Variants in ROBO1 observed in about 807,000 individuals in gnomAD.
The protein encoded by ROBO1 is roundabout homolog 1.
Under a neutral mutation model 195.9 loss-of-function variants are expected in ROBO1, and 149 were observed. The observed-to-expected ratio is 0.76, with a 90% CI of 0.67 to 0.87. The LOEUF (loss-of-function observed/expected upper bound fraction) is 0.87, where lower values mean the gene tolerates loss of function less well. Among genes scored for constraint, ROBO1 ranks in the 40% least tolerant of loss-of-function variants. ROBO1 has a pLI of 0.00. For missense variants in ROBO1, 1,933 were observed against 2,068.3 expected, an observed-to-expected ratio of 0.93 and a Z score of 1.27; for synonymous variants, 816 against 733.2, an observed-to-expected ratio of 1.11 and a Z score of -1.82.
chr3:79,561,530 T>TA (rs1211069874), intron 2 of ROBO1, among the ~76,000 whole-genome samples: 5 of 152,300 alleles, frequency 3.3e-5, no homozygotes, highest in Admixed American at 2.6e-4. Context: ...GGCCAAATTA[T>TA]AAAACACATT....
chr3:79,326,436 C>T (rs1208541480), intron 2 of ROBO1, among the ~76,000 whole-genome samples: 1 of 152,074 alleles, frequency 6.6e-6, no homozygotes, highest in African/African-American at 2.4e-5. Context: ...TGTACTCTGG[C>T]CCTTTATTTC....
chr3:79,560,558 T>TATATATAC (rs5850439), intron 2 of ROBO1, among the ~76,000 whole-genome samples: 8,126 of 129,314 alleles, frequency 0.063, 336 homozygotes, highest in East Asian at 0.09. Flanking sequence ...TATATATATA[T>TATATATAC]ACACATACAC....
At chr3:79,113,475 A>G (rs1049722368) in intron 3 of ROBO1, among the ~76,000 whole-genome samples, 1 of 152,054 alleles carries the variant, frequency 6.6e-6, no homozygotes. Context: ...CTGTAAAAAA[A>G]TGAAATTATT....
chr3:79,284,676 G>A (rs186621391), intron 2 of ROBO1, among the ~76,000 whole-genome samples: 41 of 152,160 alleles, frequency 2.7e-4, no homozygotes, highest in Admixed American at 2.0e-3. Flanking sequence ...AACTTGAGCT[G>A]GAATTGACAT....
At chr3:79,307,419 T>C (rs2109080922) in intron 2 of ROBO1, among the ~76,000 whole-genome samples, 1 of 152,284 alleles carries the variant, frequency 6.6e-6, no homozygotes, top group Non-Finnish European at 1.5e-5. Context: ...CTCTAAAGTG[T>C]ACTGCTCAGA....
intron 3 of ROBO1, among the ~76,000 whole-genome samples, chr3:78,992,047 T>C (rs2077250591): frequency 6.6e-6 from 1 of 152,122 alleles, no homozygotes; most frequent in Non-Finnish European, 1.5e-5. Context: ...AAATGAAAAC[T>C]GTGTCACAGG....
At chr3:78,856,782 A>G (rs551845373) in intron 4 of ROBO1, among the ~76,000 whole-genome samples, 1 of 151,348 alleles carries the variant, frequency 6.6e-6, no homozygotes, top group East Asian at 1.9e-4. Context: ...TGTTTTATAT[A>G]TTTTATATAT....
At chr3:78,703,212 A>G (rs569297403) in intron 8 of ROBO1, among the ~76,000 whole-genome samples, 1 of 152,248 alleles carries the variant, frequency 6.6e-6, no homozygotes, top group Admixed American at 6.5e-5. Context: ...ACAAAACAAA[A>G]CAAAACAGCC....
chr3:79,097,667 T>C (rs1210650544), intron 3 of ROBO1, among the ~76,000 whole-genome samples: 1 of 151,802 alleles, frequency 6.6e-6, no homozygotes, highest in Non-Finnish European at 1.5e-5. Flanking sequence ...ATGTTTTCAG[T>C]GTTTTTAAAA....
At chr3:78,817,142 A>G (rs1350614461) in intron 4 of ROBO1, among the ~76,000 whole-genome samples, 1 of 152,104 alleles carries the variant, frequency 6.6e-6, no homozygotes, top group Non-Finnish European at 1.5e-5. Flanking sequence ...AGGGGAAGGA[A>G]GAGTCAATCA....
chr3:79,278,237 A>G (rs760998480), intron 2 of ROBO1, among the ~76,000 whole-genome samples: 1 of 152,142 alleles, frequency 6.6e-6, no homozygotes, highest in Non-Finnish European at 1.5e-5. Flanking sequence ...TGTCCATACT[A>G]CCCATATGAA....
chr3:78,600,129 T>C lies in ROBO1; in HGVS notation c.4925A>G (p.Asn1642Ser). The change falls in exon 30 of 31, where the codon AAT (asparagine) becomes AGT (serine). Residue 1642 changes from asparagine (N) to serine (S), a missense_variant. Physicochemically the swap from Asn to Ser is conservative, Grantham distance 46 (BLOSUM62 1). Around this residue, in one of 3 missense-constraint regions of ROBO1, gnomAD observed 1,737 missense variants for 1,882.5 expected, o/e 0.92. Coordinates refer to ENST00000464233, the MANE Select transcript of ROBO1 (RefSeq NM_002941.4). ...VLGGYERGED[N>S]NEELEETES ...TATAGATACCTCTAATTCTTCATTA[T>C]TATCTTCTCCTCTTTCATATCCTCC... 6.2e-7 allele frequency: 1 copy of C among 1,612,470 alleles called. No homozygotes were observed. The highest frequency in any genetic ancestry group is 8.5e-7 in the Non-Finnish European group (1 of 1,178,916).
At position 79,483,150 on chromosome 3, in the gene ROBO1, T is replaced by C. The variant is rs188705880; in HGVS notation, c.88+106674A>G. Among the ~76,000 whole-genome samples the C allele has an allele frequency of 2.9e-3, 442 of 152,348 alleles. 2 individuals are homozygous for C. Among genetic ancestry groups the C allele is most frequent in the African/African-American group, 9.2e-3 (384 of 41,580 alleles). On this transcript the variant is annotated intron_variant, in intron 2 of 30. Coordinates refer to ENST00000464233, the MANE Select transcript of ROBO1 (RefSeq NM_002941.4). ...TTTATTTTTTTATGTCATGGTATTA[T>C]AATTTTTGCACTATCTAATGTAACT...
At chr3:78,713,946 G>T (rs1474180016) in intron 8 of ROBO1, among the ~76,000 whole-genome samples, 3 of 152,194 alleles carry the variant, frequency 2.0e-5, no homozygotes, top group African/African-American at 7.2e-5. Context: ...AAGAGTAATA[G>T]AATCTTCTTT....
intron 3 of ROBO1, among the ~76,000 whole-genome samples, chr3:79,021,931 A>AT (rs1308602802): frequency 6.6e-6 from 1 of 152,198 alleles, no homozygotes; most frequent in Non-Finnish European, 1.5e-5. Context: ...AAGTGCTGGG[A>AT]TTACAGGCGT....
intron 4 of ROBO1, among the ~76,000 whole-genome samples, chr3:78,794,748 A>C (rs953731544): frequency 1.3e-5 from 2 of 152,018 alleles, no homozygotes; most frequent in Non-Finnish European, 2.9e-5. Context: ...ATGCCTGGCT[A>C]ATTTTTGTAT....
chr3:79,581,749 T>C (rs1943668035), intron 2 of ROBO1, among the ~76,000 whole-genome samples: 1 of 152,132 alleles, frequency 6.6e-6, no homozygotes, highest in East Asian at 1.9e-4. Context: ...CACAGATATG[T>C]ATATATTTAA....
At chr3:78,813,565 G>T (rs147270032) in intron 4 of ROBO1, among the ~76,000 whole-genome samples, 1 of 151,982 alleles carries the variant, frequency 6.6e-6, no homozygotes, top group East Asian at 1.9e-4. Context: ...TCTCAGAATC[G>T]TTCTGTTTAA....
At chr3:79,046,966 G>C (rs2078606722) in intron 3 of ROBO1, among the ~76,000 whole-genome samples, 1 of 152,132 alleles carries the variant, frequency 6.6e-6, no homozygotes. Flanking sequence ...AACTAATACA[G>C]AGTTCGGCAT....
Sources: allele counts gnomAD v4.1 joint callset (sites outside exome capture counted in the v4.1 genomes callset), GRCh38; gene constraint gnomAD v4.1.1; regional missense constraint gnomAD v4.1.1; transcripts MANE v1.5; gene names NCBI Gene and HGNC (gene_info 2026-07-23, HGNC 2026-07-21).